ROR1: variants seen among roughly 807,000 people sequenced by gnomAD.
ROR1 encodes inactive tyrosine-protein kinase transmembrane receptor ROR1.
A neutral mutation model predicts 78.8 loss-of-function variants in ROR1; 19 were observed. The ratio of observed to expected loss-of-function variants is 0.24; its 90% CI spans 0.17 to 0.35. The LOEUF (loss-of-function observed/expected upper bound fraction) is 0.35. Ranked by LOEUF, ROR1 falls within the 10% of genes least tolerant of loss-of-function variation. The pLI is 1.00. For synonymous variants in ROR1, 386 were observed against 433.6 expected (o/e 0.89, Z 1.36); for missense variants, 917 against 1,177.8 (o/e 0.78, Z 3.24).
intron 1 of ROR1, among the ~76,000 whole-genome samples, chr1:63,915,618 C>CT (rs1312252550): frequency 1.3e-5 from 2 of 152,134 alleles, no homozygotes; most frequent in Non-Finnish European, 1.5e-5. Flanking sequence ...CCTCTGCCCC[C>CT]TATCCTTGGT....
intron 1 of ROR1, among the ~76,000 whole-genome samples, chr1:63,816,407 T>C (rs952062744): frequency 1.2e-4 from 19 of 152,178 alleles, no homozygotes; most frequent in African/African-American, 4.6e-4. Context: ...ACGTGATGGT[T>C]TTAAAAATGG....
At chr1:64,103,997 G>T (rs1193081740) in intron 4 of ROR1, among the ~76,000 whole-genome samples, 1 of 152,074 alleles carries the variant, frequency 6.6e-6, no homozygotes, top group Non-Finnish European at 1.5e-5. Flanking sequence ...TAAGGCCAGA[G>T]ATGCTGCTAA....
chr1:63,814,198 C>T (rs986673885), intron 1 of ROR1, among the ~76,000 whole-genome samples: 37 of 152,184 alleles, frequency 2.4e-4, no homozygotes, highest in Non-Finnish European at 8.8e-5. Context: ...TCTCTCTGGG[C>T]ACCTTCTGCG....
chr1:64,143,045 A>C (rs907340939), intron 7 of ROR1: 29 of 1,081,534 alleles, frequency 2.7e-5, no homozygotes, highest in Non-Finnish European at 3.0e-5. Flanking sequence ...GTATGCCTTA[A>C]GAACACCACA....
intron 1 of ROR1, among the ~76,000 whole-genome samples, chr1:63,799,133 G>C (rs1321241562): frequency 6.6e-6 from 1 of 152,182 alleles, no homozygotes; most frequent in Non-Finnish European, 1.5e-5. Context: ...TACCTTAAAA[G>C]GCTGCTAGGA....
In ROR1 at chr1:64,178,266, T is replaced by C. The variant is rs757625475; in HGVS notation, c.2225T>C (p.Ile742Thr). The change falls in exon 9 of 9, where the codon ATT (isoleucine) becomes ACT (threonine). Residue 742 changes from isoleucine (I) to threonine (T), a missense_variant. Physicochemically the swap from Ile to Thr is moderately conservative, Grantham distance 89 (BLOSUM62 -1). Coordinates refer to ENST00000371079, the MANE Select transcript of ROR1 (RefSeq NM_005012.4). This position sits in a 1 kb window ranked among gnomAD's most constrained non-coding sequence, Gnocchi z 4.3. Reference protein sequence around the residue: ...IPSRRPRFKDIHVRLRSWEGL... With the variant: ...IPSRRPRFKDTHVRLRSWEGL... ...TCTAGGAGACCAAGATTTAAAGATA[T>C]TCACGTCCGGCTTCGGTCCTGGGAG... 5.6e-6 allele frequency: 9 copies of C among 1,614,026 alleles called. No homozygotes were observed. In the South Asian group the frequency reaches 7.7e-5, roughly 14 times the overall value.
chr1:64,042,611 C>T (rs1646753766), intron 2 of ROR1, among the ~76,000 whole-genome samples: 1 of 152,088 alleles, frequency 6.6e-6, no homozygotes, highest in Non-Finnish European at 1.5e-5. Context: ...CTGCTTTTAC[C>T]TTCAGCTCTG....
chr1:64,083,472 C>G (rs1647120733), intron 4 of ROR1, among the ~76,000 whole-genome samples: 1 of 150,312 alleles, frequency 6.7e-6, no homozygotes, highest in Non-Finnish European at 1.5e-5. Flanking sequence ...AAATGTTTGT[C>G]CATGAATGAG....
chr1:63,838,812 G>C (rs1645033452), intron 1 of ROR1, among the ~76,000 whole-genome samples: 1 of 152,098 alleles, frequency 6.6e-6, no homozygotes, highest in South Asian at 2.1e-4. Context: ...CTCCATTCAT[G>C]ATAAGTGCTC....
intron 1 of ROR1, among the ~76,000 whole-genome samples, chr1:64,004,765 C>A (rs1216101316): frequency 6.6e-6 from 1 of 152,158 alleles, no homozygotes; most frequent in Non-Finnish European, 1.5e-5. Context: ...TCAAGGCTTA[C>A]TTTTTCCTTC....
At chr1:64,068,775 A>G (rs1221883270) in intron 4 of ROR1, among the ~76,000 whole-genome samples, 1 of 152,148 alleles carries the variant, frequency 6.6e-6, no homozygotes, top group East Asian at 1.9e-4. Flanking sequence ...TCTTTGACAG[A>G]TGTAGGAGAT....
chr1:64,103,323 A>T (rs930951531), intron 4 of ROR1, among the ~76,000 whole-genome samples: 60 of 145,736 alleles, frequency 4.1e-4, no homozygotes, highest in Middle Eastern at 3.4e-3. Context: ...AATAAAATTT[A>T]AAAAAAAGTT....
intron 4 of ROR1, among the ~76,000 whole-genome samples, chr1:64,068,936 G>A (rs559064394): frequency 4.6e-5 from 7 of 152,052 alleles, no homozygotes; most frequent in African/African-American, 1.7e-4. Flanking sequence ...AAAAGTTTCT[G>A]CAATTTTTCA....
At chr1:63,919,293 A>G (rs967211109) in intron 1 of ROR1, among the ~76,000 whole-genome samples, 2 of 152,208 alleles carry the variant, frequency 1.3e-5, no homozygotes, top group Non-Finnish European at 2.9e-5. Flanking sequence ...AAAAGAGCCA[A>G]TGCCGATGAA....
intron 4 of ROR1, among the ~76,000 whole-genome samples, chr1:64,086,931 C>A (rs774026913): frequency 6.6e-6 from 1 of 152,076 alleles, no homozygotes; most frequent in Non-Finnish European, 1.5e-5. Flanking sequence ...GAAACTTGCC[C>A]GAGTTCTTAG....
intron 2 of ROR1, among the ~76,000 whole-genome samples, chr1:64,012,069 C>T (rs1316630260): frequency 6.6e-6 from 1 of 152,048 alleles, no homozygotes; most frequent in East Asian, 1.9e-4. Flanking sequence ...GAGGTGAAAT[C>T]CCTAGGTTCC....
At chr1:63,932,558 A>G (rs555333134) in intron 1 of ROR1, among the ~76,000 whole-genome samples, 33 of 152,328 alleles carry the variant, frequency 2.2e-4, no homozygotes, top group African/African-American at 7.9e-4. Flanking sequence ...CCCAAAGCCA[A>G]GGAAGAATGA....
chr1:63,827,724 T>G (rs974362854), intron 1 of ROR1, among the ~76,000 whole-genome samples: 1 of 152,196 alleles, frequency 6.6e-6, no homozygotes, highest in Non-Finnish European at 1.5e-5. Flanking sequence ...CACGTTTGGC[T>G]TCCGAGGGGA....
chr1:64,050,832 A>T (rs1646822712), intron 4 of ROR1, 116 bp downstream of exon 4: 4 of 1,010,776 alleles, frequency 4.0e-6, no homozygotes, highest in African/African-American at 1.6e-5. Flanking sequence ...ATGTCATTCC[A>T]TTTTGCCCTG....
Sources: allele counts gnomAD v4.1 joint callset (sites outside exome capture counted in the v4.1 genomes callset), GRCh38; gene constraint gnomAD v4.1.1; non-coding constraint Gnocchi (gnomAD v3.1); transcripts MANE v1.5; gene names NCBI Gene and HGNC (gene_info 2026-07-23, HGNC 2026-07-21).